The following NRG1 variants were observed in gnomAD, a reference collection of about 807,000 sequenced individuals.
The protein encoded by NRG1 is neuregulin 1, also known as pro-neuregulin-1, membrane-bound isoform.
NRG1 carries 18 observed loss-of-function variants against 63.8 expected under a neutral mutation model. The observed-to-expected ratio is 0.28, with a 90% CI of 0.19 to 0.42. The LOEUF (loss-of-function observed/expected upper bound fraction) is 0.42. NRG1 is among the 10% of genes least tolerant of loss of function. NRG1 has a pLI of 1.00. For missense variants in NRG1, 762 were observed against 814.7 expected (o/e 0.94, Z 0.79); for synonymous variants, 302 against 301.3 (o/e 1.00, Z -0.02).
intron 1 of NRG1, among the ~76,000 whole-genome samples, chr8:32,051,679 A>G (rs758057548): frequency 3.3e-5 from 5 of 151,536 alleles, no homozygotes; most frequent in Non-Finnish European, 5.9e-5. Flanking sequence ...GGAGGTAGAG[A>G]ATGCAGTGTT....
At chr8:32,393,425 C>G (rs887592348) in intron 1 of NRG1, among the ~76,000 whole-genome samples, 11 of 152,186 alleles carry the variant, frequency 7.2e-5, no homozygotes, top group African/African-American at 2.7e-4. Context: ...CATAAAAACA[C>G]ACGCATGCTT....
chr8:31,651,034 C>T (rs1462429730), intron 1 of NRG1, among the ~76,000 whole-genome samples: 1 of 152,158 alleles, frequency 6.6e-6, no homozygotes, highest in African/African-American at 2.4e-5. Context: ...GGAGCTTTTT[C>T]TGGAGCTTAT....
chr8:32,428,720 C>T (rs941193550), intron 1 of NRG1, among the ~76,000 whole-genome samples: 1 of 152,146 alleles, frequency 6.6e-6, no homozygotes, highest in Non-Finnish European at 1.5e-5. Flanking sequence ...CTGATAATTC[C>T]CGGTTATTGC....
At position 32,302,510 on chromosome 8, in the gene NRG1, T is replaced by G. The variant is rs556077689; in HGVS notation, c.38-293318T>G. 5.1e-4 allele frequency among the ~76,000 whole-genome samples: 77 copies of G among 152,048 alleles called. 1 individual carries two copies. In the South Asian group the frequency reaches 9.0e-3, roughly 18 times the overall value. ...GAATGCTATTGCCACAGTGGTTTTATTTTTATTGTGTGATGTAACCATATG... is the reference window on the plus strand; with the variant it reads ...GAATGCTATTGCCACAGTGGTTTTAGTTTTATTGTGTGATGTAACCATATG... On this transcript the variant is annotated intron_variant, in intron 1 of 10. Coordinates refer to the NRG1 transcript ENST00000519301.
intron 1 of NRG1, among the ~76,000 whole-genome samples, chr8:31,866,660 C>A (rs1294755492): frequency 3.3e-5 from 5 of 152,070 alleles, no homozygotes; most frequent in Non-Finnish European, 7.4e-5. Context: ...AGTGTAATTT[C>A]TTGTATGATG....
chr8:32,635,536 C>A (rs1395811732), intron 5 of NRG1, among the ~76,000 whole-genome samples: 1 of 151,278 alleles, frequency 6.6e-6, no homozygotes, highest in Non-Finnish European at 1.5e-5. Context: ...AGCATTTAGC[C>A]CTGATTTTTT....
chr8:32,092,887 GT>G (rs1464286016), intron 1 of NRG1, among the ~76,000 whole-genome samples: 1 of 152,140 alleles, frequency 6.6e-6, no homozygotes, highest in Non-Finnish European at 1.5e-5. Context: ...CTGGACAGTT[GT>G]GTGACCAAGT....
exon 12 of NRG1, chr8:32,763,786 C>G: frequency 6.3e-7 from 1 of 1,579,904 alleles, no homozygotes; most frequent in African/African-American, 1.3e-5. Context: ...CGTATGTCAC[C>G]TGTAGATTTC....
At chr8:31,764,714 G>C (rs1166349083) in intron 1 of NRG1, among the ~76,000 whole-genome samples, 1 of 152,006 alleles carries the variant, frequency 6.6e-6, no homozygotes, top group African/African-American at 2.4e-5. Flanking sequence ...AACACAATAT[G>C]TATCCTCATT....
intron 1 of NRG1, among the ~76,000 whole-genome samples, chr8:31,982,838 C>T (rs557844106): frequency 2.0e-5 from 3 of 152,054 alleles, no homozygotes; most frequent in East Asian, 1.9e-4. Flanking sequence ...GGCATAGGCA[C>T]CTAGTAAGTA....
At chr8:32,570,350 A>G (rs1358369216) in intron 1 of NRG1, among the ~76,000 whole-genome samples, 1 of 152,234 alleles carries the variant, frequency 6.6e-6, no homozygotes, top group Non-Finnish European at 1.5e-5. Context: ...TACATTCTGT[A>G]CATTGTGCTA....
intron 1 of NRG1, among the ~76,000 whole-genome samples, chr8:32,594,664 G>A (rs1465973053): frequency 1.3e-5 from 2 of 151,976 alleles, no homozygotes; most frequent in Non-Finnish European, 2.9e-5. Context: ...CAAGTATTTC[G>A]GTACATATTT....
intron 1 of NRG1, among the ~76,000 whole-genome samples, chr8:31,743,049 G>A (rs1354326760): frequency 4.6e-5 from 7 of 151,870 alleles, no homozygotes; most frequent in Admixed American, 4.6e-4. Flanking sequence ...CATTTACCAA[G>A]GGTGACAGTC....
Position 31,990,380 on chromosome 8 carries a change from G to A in NRG1, c.37+350949G>A, listed in dbSNP as rs114453301. On this transcript the variant is annotated intron_variant, in intron 1 of 10. Coordinates refer to the NRG1 transcript ENST00000519301. ...ATTTTTTTCATTAGTACATGGAAGA[G>A]AGAGTTTTATATTGTGGTAGGTAGA... 5.4e-3 allele frequency among the ~76,000 whole-genome samples: 829 copies of A among 152,180 alleles called. 8 individuals carry two copies. Among genetic ancestry groups the A allele is most frequent in the African/African-American group, 0.019 (783 of 41,554 alleles).
At chr8:31,641,294 T>G (rs1803754108) in intron 1 of NRG1, among the ~76,000 whole-genome samples, 1 of 151,952 alleles carries the variant, frequency 6.6e-6, no homozygotes, top group South Asian at 2.1e-4. Context: ...CTTGTGAATA[T>G]GTGTAATATG....
Position 32,200,267 on chromosome 8 carries a change from C to T in NRG1, c.38-395561C>T, listed in dbSNP as rs55936048. ...TCTTTTTGGATTAAATTCTAGAAAC[C>T]GCCTCAACTTTATATTTCATTGTTG... On this transcript the variant is annotated intron_variant, in intron 1 of 10. Coordinates refer to the NRG1 transcript ENST00000519301. Among the ~76,000 whole-genome samples, 367 of 152,130 alleles carry T rather than the reference C, an allele frequency of 2.4e-3. 1 individual carries two copies. The highest frequency in any genetic ancestry group is 6.8e-3 in the Middle Eastern group (2 of 294).
In NRG1 at chr8:31,640,299, G is replaced by C; in HGVS notation, c.37+868G>C. 4.4e-6 allele frequency: 5 copies of C among 1,135,132 alleles called. No homozygotes were observed. The highest frequency in any genetic ancestry group is 4.3e-6 in the Non-Finnish European group (4 of 926,466). 70.3% of individuals were successfully genotyped at this position (1,135,132 alleles called of 1,614,324 possible). On this transcript the variant is annotated intron_variant, in intron 1 of 10. Transcript: ENST00000519301. The surrounding 1 kb of genome is among the most constrained non-coding windows in gnomAD (Gnocchi z 6.3). ...TCGACAGGAAGGCGGCGGCGGCGGC[G>C]GGCGAGGCAGGGGCGTGGGGCGGCG...
chr8:32,242,574 G>A (rs1310630141), intron 1 of NRG1, among the ~76,000 whole-genome samples: 2 of 152,124 alleles, frequency 1.3e-5, no homozygotes, highest in Non-Finnish European at 2.9e-5. Context: ...ATGTGAAGGA[G>A]GGTAGAGATG....
At chr8:32,068,569 C>G (rs1205233935) in intron 1 of NRG1, among the ~76,000 whole-genome samples, 55 of 152,114 alleles carry the variant, frequency 3.6e-4, no homozygotes, top group Admixed American at 3.6e-3. Flanking sequence ...AATAGTGATG[C>G]AGTACTTCCA....
Sources: allele counts gnomAD v4.1 joint callset (sites outside exome capture counted in the v4.1 genomes callset), GRCh38; gene constraint gnomAD v4.1.1; non-coding constraint Gnocchi (gnomAD v3.1); transcripts MANE v1.5; gene names NCBI Gene and HGNC (gene_info 2026-07-23, HGNC 2026-07-21).